DRC10: variants seen among roughly 807,000 people sequenced by gnomAD.
The protein encoded by DRC10 is dynein regulatory complex subunit 10.
At chr12:113,203,005 T>C in the DRC10 span, 4 of 452,890 alleles carry the variant, frequency 8.8e-6, no homozygotes, top group Non-Finnish European at 1.8e-5. Context: ...ACAATTATTA[T>C]TAGGGTTTGG....
At chr12:113,202,400 T>C in the DRC10 span, among the ~76,000 whole-genome samples, 1 of 152,076 alleles carries the variant, frequency 6.6e-6, no homozygotes, top group Non-Finnish European at 1.5e-5. Flanking sequence ...CTGTGAATAG[T>C]TTCCCAGGGC....
chr12:113,196,468 A>G, the DRC10 span, among the ~76,000 whole-genome samples: 1 of 152,074 alleles, frequency 6.6e-6, no homozygotes, highest in Non-Finnish European at 1.5e-5. Flanking sequence ...CCTTCCACTG[A>G]TGTTTTCCCA....
chr12:113,196,698 C>T, the DRC10 span, among the ~76,000 whole-genome samples: 22 of 152,214 alleles, frequency 1.4e-4, no homozygotes, highest in African/African-American at 5.3e-4. Context: ...CATATTACCT[C>T]CAGTGCTCTC....
At chr12:113,203,777 ATTTT>A in the DRC10 span, among the ~76,000 whole-genome samples, 3 of 96,968 alleles carry the variant, frequency 3.1e-5, no homozygotes, top group African/African-American at 8.6e-5. Context: ...TGCCCAGCTA[ATTTT>A]TTTTTTTTTT....
the DRC10 span, among the ~76,000 whole-genome samples, chr12:113,205,751 C>T: frequency 6.9e-6 from 1 of 144,416 alleles, no homozygotes; most frequent in East Asian, 2.1e-4. Context: ...TAGCCGGGCG[C>T]GGTGGCGGGC....
At chr12:113,204,314 T>C in the DRC10 span, among the ~76,000 whole-genome samples, 4 of 152,214 alleles carry the variant, frequency 2.6e-5, no homozygotes, top group Non-Finnish European at 5.9e-5. Context: ...TCCCCTGCTT[T>C]CCCAGCCCAT....
the DRC10 span, among the ~76,000 whole-genome samples, chr12:113,209,860 T>G: frequency 2.0e-5 from 3 of 152,170 alleles, no homozygotes; most frequent in Non-Finnish European, 2.9e-5. Flanking sequence ...GCATGGTAGC[T>G]CACACCTGTA....
At chr12:113,195,609 T>G in the DRC10 span, 1 of 1,608,620 alleles carries the variant, frequency 6.2e-7, no homozygotes, top group South Asian at 1.1e-5. Context: ...CTTGCCTTTC[T>G]GCTTGCCCTT....
At chr12:113,215,405 T>C in the DRC10 span, among the ~76,000 whole-genome samples, 2 of 152,224 alleles carry the variant, frequency 1.3e-5, no homozygotes, top group South Asian at 2.1e-4. Context: ...ATTATGTTAA[T>C]ATCAACACTT....
the DRC10 span, among the ~76,000 whole-genome samples, chr12:113,205,259 G>A: frequency 4.6e-5 from 7 of 151,848 alleles, no homozygotes; most frequent in Non-Finnish European, 8.8e-5. Flanking sequence ...TAGGCCAGGC[G>A]CAGTGGCTCA....
the DRC10 span, among the ~76,000 whole-genome samples, chr12:113,216,574 G>C: frequency 6.6e-6 from 1 of 152,174 alleles, no homozygotes; most frequent in South Asian, 2.1e-4. Context: ...TTCATCAACT[G>C]TAACAAATGC....
At chr12:113,216,324 G>A in the DRC10 span, among the ~76,000 whole-genome samples, 1 of 152,212 alleles carries the variant, frequency 6.6e-6, no homozygotes, top group African/African-American at 2.4e-5. Context: ...TCTGGCAAAG[G>A]CAAAACTATG....
the DRC10 span, among the ~76,000 whole-genome samples, chr12:113,201,981 T>C: frequency 6.6e-6 from 1 of 152,216 alleles, no homozygotes; most frequent in African/African-American, 2.4e-5. Context: ...TTTGCCCACC[T>C]GGCAAAAATG....
the DRC10 span, among the ~76,000 whole-genome samples, chr12:113,212,300 C>G: frequency 6.6e-6 from 1 of 152,004 alleles, no homozygotes; most frequent in African/African-American, 2.4e-5. Context: ...AACTCCTGAC[C>G]TCAGGTGATC....
chr12:113,209,477 G>A, the DRC10 span, among the ~76,000 whole-genome samples: 4 of 152,008 alleles, frequency 2.6e-5, no homozygotes, highest in African/African-American at 7.3e-5. Flanking sequence ...CTCCAGCCTC[G>A]ACCTACTGGG....
At chr12:113,206,366 C>G in the DRC10 span, among the ~76,000 whole-genome samples, 6 of 152,156 alleles carry the variant, frequency 3.9e-5, no homozygotes, top group Non-Finnish European at 8.8e-5. Context: ...GTTTTTGCCT[C>G]TCTCAGCATT....
At chr12:113,213,854 G>T in the DRC10 span, among the ~76,000 whole-genome samples, 1 of 152,184 alleles carries the variant, frequency 6.6e-6, no homozygotes, top group African/African-American at 2.4e-5. Context: ...TGAGGCGGGA[G>T]AATTGCTTGA....
the DRC10 span, chr12:113,208,640 G>A: frequency 6.2e-6 from 1 of 160,474 alleles, no homozygotes; most frequent in Non-Finnish European, 1.4e-5. Flanking sequence ...TGAGCCTGGG[G>A]CCCAGGGTCA....
the DRC10 span, among the ~76,000 whole-genome samples, chr12:113,213,176 T>TG: frequency 1.6e-5 from 1 of 63,572 alleles, no homozygotes; most frequent in South Asian, 6.9e-4. Flanking sequence ...CAGAGGGTGC[T>TG]AAAAAAAAAA....
Sources: allele counts gnomAD v4.1 joint callset (sites outside exome capture counted in the v4.1 genomes callset), GRCh38; gene constraint gnomAD v4.1.1; transcripts MANE v1.5; gene names NCBI Gene and HGNC (gene_info 2026-07-23, HGNC 2026-07-21).